Variants in KASH5 observed in about 807,000 individuals in gnomAD.
KASH5 encodes KASH domain containing 5.
Under a neutral mutation model 84.2 loss-of-function variants are expected in KASH5, and 72 were observed. The observed-to-expected ratio is 0.85, with a 90% CI of 0.71 to 1.04. The LOEUF (loss-of-function observed/expected upper bound fraction) is 1.04. Among genes scored for constraint, KASH5 ranks in the 50% least tolerant of loss-of-function variants. The pLI is 0.00. For missense variants in KASH5, 650 were observed against 701.0 expected (o/e 0.93, Z 0.82); for synonymous variants, 260 against 279.1 (o/e 0.93, Z 0.68).
In KASH5 at chr19:49,412,939, GAGA is replaced by G; in HGVS notation, c.1270-24_1270-22del. The G allele has an allele frequency of 3.1e-6, 5 of 1,612,506 alleles. No individual in the cohort carries two copies. Among genetic ancestry groups the G allele is most frequent in the African/African-American group, 1.3e-5 (1 of 75,002 alleles). On this transcript the variant is annotated intron_variant, in intron 15 of 19. Transcript: ENST00000447857. The surrounding 1 kb of genome is among the most constrained non-coding windows in gnomAD (Gnocchi z 4.6). ...TTGGAGCTTTGAGTGAGAAGAATCA[GAGA>G]AGAACTAACCTTTTTGTTTCCACAG... is the stretch of plus-strand genomic sequence containing the variant.
intron 1 of KASH5, chr19:49,389,554 C>T (rs559367948): frequency 1.3e-5 from 2 of 152,376 alleles, no homozygotes; most frequent in East Asian, 1.9e-4. Flanking sequence ...CCCTTTGCAC[C>T]CTGCAGGGTG....
Position 49,409,874 on chromosome 19 carries a change from A to C in KASH5, c.1268A>C (p.Gln423Pro). ...EFPSEAPAGG[Q>P]RNFQGEPAHP... is the part of the protein sequence containing the mutation. ...CCATCTGAAGCCCCAGCTGGGGGAC[A>C]GGTGAGCACAGGAAAAGCTCTGAAG... is the stretch of plus-strand genomic sequence containing the variant. The change falls in exon 15 of 20, where the codon CAG (glutamine) becomes CCG (proline). Residue 423 changes from glutamine (Q) to proline (P), a missense_variant and splice_region_variant. Gln to Pro is a moderately conservative substitution (Grantham distance 76). Coordinates refer to ENST00000447857, the MANE Select transcript of KASH5 (RefSeq NM_144688.5). 1.9e-6 allele frequency: 3 copies of C among 1,613,388 alleles called. No homozygotes were observed. Among genetic ancestry groups the C allele is most frequent in the Non-Finnish European group, 2.5e-6 (3 of 1,179,546 alleles).
At chr19:49,394,768 G>A (rs909345574) in intron 3 of KASH5, 188 bp downstream of exon 3, 17 of 596,504 alleles carry the variant, frequency 2.8e-5, no homozygotes, top group Non-Finnish European at 4.2e-5. Context: ...CTTTTAGAAT[G>A]AGGAAAACTT....
intron 13 of KASH5, 82 bp downstream of exon 13, chr19:49,409,113 GC>G: frequency 6.3e-7 from 1 of 1,585,198 alleles, no homozygotes; most frequent in Non-Finnish European, 8.6e-7. Flanking sequence ...CCCAAGGTGG[GC>G]AGGGAAGGGA....
chr19:49,415,392 G>GC (rs938892836), intron 17 of KASH5: 81 of 321,828 alleles, frequency 2.5e-4, no homozygotes, highest in African/African-American at 1.6e-3. Flanking sequence ...AGTGCCCGCA[G>GC]CCCCCCTGCC....
chr19:49,393,092 G>C (rs1214053678), intron 2 of KASH5, among the ~76,000 whole-genome samples: 1 of 152,150 alleles, frequency 6.6e-6, no homozygotes, highest in Non-Finnish European at 1.5e-5. Context: ...GGATGAGAAA[G>C]TTGACTCATA....
chr19:49,397,944 G>A (rs752924270), intron 6 of KASH5, 38 bp from the exon 7 acceptor site: 3 of 1,605,962 alleles, frequency 1.9e-6, no homozygotes, highest in South Asian at 2.2e-5. Context: ...TGAGTCAGGG[G>A]CTGTGGACAG....
At chr19:49,400,110 TC>T (rs1974313003) in intron 9 of KASH5, among the ~76,000 whole-genome samples, 1 of 150,700 alleles carries the variant, frequency 6.6e-6, no homozygotes, top group South Asian at 2.1e-4. Context: ...GCACCTGTAG[TC>T]CAGCCACTCA....
At chr19:49,408,691 G>A (rs1447705421) in intron 12 of KASH5, among the ~76,000 whole-genome samples, 4 of 152,138 alleles carry the variant, frequency 2.6e-5, no homozygotes, top group Non-Finnish European at 5.9e-5. Context: ...CTTGTGATCT[G>A]CCCGCCTGGG....
chr19:49,400,353 C>CTTTTTTTTTTT (rs36066335), intron 9 of KASH5, among the ~76,000 whole-genome samples: 11 of 124,202 alleles, frequency 8.9e-5, no homozygotes, highest in Admixed American at 1.7e-4. Flanking sequence ...CTTTTAGTTT[C>CTTTTTTTTTTT]TTTTTTTTTT....
intron 9 of KASH5, among the ~76,000 whole-genome samples, chr19:49,402,269 C>T (rs958500490): frequency 2.0e-5 from 3 of 150,328 alleles, no homozygotes; most frequent in South Asian, 2.1e-4. Context: ...AAAAACTTTC[C>T]GGCTGGGCAT....
rs1020811791 is a variant in KASH5, at chr19:49,412,336, C to T, written c.1270-632C>T. Among the ~76,000 whole-genome samples, 2 of 150,556 alleles carry T rather than the reference C, an allele frequency of 1.3e-5. No homozygotes were observed. Among genetic ancestry groups the T allele is most frequent in the Admixed American group, 1.3e-4 (2 of 15,160 alleles). ...GTGGAGGGACAGAGCAGGGGTCAGA[C>T]GGGATGTGGGTGATGGGGAGGGAGG... On this transcript the variant is annotated intron_variant, in intron 15 of 19. Coordinates refer to ENST00000447857, the MANE Select transcript of KASH5 (RefSeq NM_144688.5). This position sits in a 1 kb window ranked among gnomAD's most constrained non-coding sequence, Gnocchi z 4.6.
chr19:49,403,974 TC>T (rs765887213), intron 9 of KASH5, among the ~76,000 whole-genome samples: 56 of 152,334 alleles, frequency 3.7e-4, no homozygotes, highest in Non-Finnish European at 7.3e-4. Context: ...CAGGCAGCCT[TC>T]CTGTGGAGAA....
intron 15 of KASH5, among the ~76,000 whole-genome samples, chr19:49,411,072 T>C (rs1010482664): frequency 1.2e-4 from 19 of 152,090 alleles, no homozygotes; most frequent in African/African-American, 4.3e-4. Flanking sequence ...CCCAAGTAGC[T>C]GCAACCACAG....
intron 9 of KASH5, among the ~76,000 whole-genome samples, chr19:49,402,509 C>G (rs1422893945): frequency 1.3e-5 from 2 of 152,044 alleles, no homozygotes; most frequent in African/African-American, 2.4e-5. Context: ...GAGTTCGAAA[C>G]CAGCCTGACC....
rs1418892626 is a variant in KASH5 at position 49,399,507 on chromosome 19, G to A, written c.798G>A (p.Glu266=). The change falls in exon 9 of 20, where the codon GAG becomes GAA. Residue 266 remains glutamate, a splice_region_variant and synonymous_variant. Coordinates refer to ENST00000447857, the MANE Select transcript of KASH5 (RefSeq NM_144688.5). The surrounding 1 kb of genome is among the most constrained non-coding windows in gnomAD (Gnocchi z 4.4). ...LVAEMETLQE[E]NGKLLAERDG... is the part of the protein sequence containing the mutation. ...CTGAGATGGAGACTCTGCAGGAGGA[G>A]GTGAGCGGAGGCCCAGCACCACCCC... The A allele has an allele frequency of 2.5e-6, 4 of 1,607,388 alleles. No individual in the cohort carries two copies. Among genetic ancestry groups the A allele is most frequent in the African/African-American group, 1.3e-5 (1 of 74,942 alleles).
intron 15 of KASH5, among the ~76,000 whole-genome samples, 176 bp downstream of exon 15, chr19:49,410,051 C>T (rs1214390674): frequency 1.3e-5 from 2 of 152,334 alleles, no homozygotes; most frequent in South Asian, 2.1e-4. Flanking sequence ...CAGACACCAC[C>T]CCTACCCCAG....
chr19:49,397,263 A>G (rs915999004), intron 5 of KASH5, among the ~76,000 whole-genome samples: 4 of 152,012 alleles, frequency 2.6e-5, no homozygotes, highest in African/African-American at 9.7e-5. Context: ...GCATGGAGAC[A>G]GAGAGGAGGG....
chr19:49,407,049 A>C, intron 10 of KASH5, 86 bp downstream of exon 10: 1 of 1,380,650 alleles, frequency 7.2e-7, no homozygotes, highest in Non-Finnish European at 1.0e-6. Context: ...GCAGCCTGAT[A>C]AGGGCAGGGT....
Sources: allele counts gnomAD v4.1 joint callset (sites outside exome capture counted in the v4.1 genomes callset), GRCh38; gene constraint gnomAD v4.1.1; non-coding constraint Gnocchi (gnomAD v3.1); transcripts MANE v1.5; gene names NCBI Gene and HGNC (gene_info 2026-07-23, HGNC 2026-07-21).